Variants in A4GALT observed in about 807,000 individuals in gnomAD.
A4GALT encodes the protein alpha 1,4-galactosyltransferase (P1PK blood group), also known as lactosylceramide 4-alpha-galactosyltransferase.
For synonymous variants in A4GALT, 257 were observed against 220.7 expected (o/e 1.16, Z -1.46); for missense variants, 512 against 486.0 (o/e 1.05, Z -0.50).
At chr22:42,710,962 T>C (rs1475715136) in intron 1 of A4GALT, among the ~76,000 whole-genome samples, 3 of 150,958 alleles carry the variant, frequency 2.0e-5, no homozygotes, top group African/African-American at 4.9e-5. Context: ...GGGATGGAGG[T>C]TGCAGTGAGC....
intron 1 of A4GALT, chr22:42,718,631 A>G (rs1922413442): frequency 6.6e-6 from 1 of 152,202 alleles, no homozygotes; most frequent in Non-Finnish European, 1.5e-5. Context: ...GTCTTCAAGT[A>G]TGCAAACAGG....
chr22:42,706,127 G>A lies in A4GALT; in HGVS notation c.-187-10496C>T, dbSNP rs1314647243. On this transcript the variant is annotated intron_variant, in intron 1 of 2. Coordinates refer to ENST00000642412, the MANE Select transcript of A4GALT (RefSeq NM_017436.7). ...TCTCAGCACTTTGGGAGGCCAAGGC[G>A]GGCGGATCACGAGGTCAGGAGATCG... 6.7e-4 allele frequency among the ~76,000 whole-genome samples: 68 copies of A among 101,540 alleles called. 26 individuals are homozygous for A. The highest frequency in any genetic ancestry group is 2.6e-4 in the Non-Finnish European group (11 of 42,568). 66.6% of individuals were successfully genotyped at this position (101,540 alleles called of 152,430 possible). A position where few individuals can be genotyped will look rare whatever the true frequency, so the allele number is the denominator to read the frequency against.
At chr22:42,710,097 C>G (rs548094409) in intron 1 of A4GALT, among the ~76,000 whole-genome samples, 1 of 152,270 alleles carries the variant, frequency 6.6e-6, no homozygotes, top group South Asian at 2.1e-4. Flanking sequence ...GGCACTAATA[C>G]TAAGCTCAGG....
In A4GALT at chr22:42,693,103, G is replaced by A. The variant is rs199502567; in HGVS notation, c.849C>T (p.Ala283=). 11 of 1,612,230 alleles carry A rather than the reference G, an allele frequency of 6.8e-6. No homozygotes were observed. Among genetic ancestry groups the A allele is most frequent in the Admixed American group, 1.7e-5 (1 of 59,746 alleles). Residue 283 remains alanine, a synonymous_variant, in exon 3 of 3, where the codon GCC becomes GCT. Coordinates refer to ENST00000642412, the MANE Select transcript of A4GALT (RefSeq NM_017436.7). ...CRGVTTLPPE[A]FYPIPWQDWK... The stretch of plus-strand genomic sequence containing the variant: ...AGTCCTGCCAGGGGATGGGGTAGAA[G>A]GCCTCAGGGGGCAGGGTGGTGACGC...
intron 1 of A4GALT, among the ~76,000 whole-genome samples, chr22:42,701,375 C>A (rs1444615844): frequency 6.6e-6 from 1 of 152,130 alleles, no homozygotes; most frequent in Non-Finnish European, 1.5e-5. Context: ...AGACAGGAGC[C>A]CGAGGTGGAC....
At chr22:42,712,987 T>C (rs939956654) in intron 1 of A4GALT, among the ~76,000 whole-genome samples, 5 of 152,190 alleles carry the variant, frequency 3.3e-5, no homozygotes, top group African/African-American at 9.7e-5. Context: ...CGTGTTCTTG[T>C]CATTAACCAC....
In A4GALT at chr22:42,692,382, T is replaced by TC; in HGVS notation, c.*507dup. On this transcript the variant is annotated 3_prime_UTR_variant, in exon 3 of 3. Coordinates refer to ENST00000642412, the MANE Select transcript of A4GALT (RefSeq NM_017436.7). The surrounding 1 kb of genome is among the most constrained non-coding windows in gnomAD (Gnocchi z 4.6). Reference sequence around the variant, plus strand: ...CTGCCCCACTCAGTCCCTGTTGACCTCCCCCACCCCCCGCGAAAGAGGAAC... The same window carrying TC: ...CTGCCCCACTCAGTCCCTGTTGACCTCCCCCCACCCCCCGCGAAAGAGGAAC... 1 of 298,664 alleles carries TC rather than the reference T, an allele frequency of 3.3e-6. No individual in the cohort carries two copies. 18.5% of individuals were successfully genotyped at this position (298,664 alleles called of 1,614,324 possible). A position where few individuals can be genotyped will look rare whatever the true frequency, so the allele number is the denominator to read the frequency against.
At chr22:42,719,407 G>A (rs1312913482) in intron 1 of A4GALT, among the ~76,000 whole-genome samples, 1 of 152,150 alleles carries the variant, frequency 6.6e-6, no homozygotes, top group Admixed American at 6.6e-5. Flanking sequence ...AGACTACAGT[G>A]AGCTGCCACA....
intron 1 of A4GALT, among the ~76,000 whole-genome samples, chr22:42,699,859 A>C (rs957893100): frequency 3.9e-5 from 6 of 152,226 alleles, no homozygotes; most frequent in Non-Finnish European, 7.3e-5. Flanking sequence ...TGGCAGACTC[A>C]GGAAGCAGAT....
At position 42,693,649 on chromosome 22, in the gene A4GALT, G is replaced by A. The variant is rs199712528; in HGVS notation, c.303C>T (p.Ala101=). Residue 101 remains alanine, a synonymous_variant, in exon 3 of 3, where the codon GCC becomes GCT. Transcript: ENST00000642412. ...CGTGGGATTCGGGGTGAGTTCTGGCGGCCGACTCCACCGAGCACATGAACA... is the reference window on the plus strand; with the variant it reads ...CGTGGGATTCGGGGTGAGTTCTGGCAGCCGACTCCACCGAGCACATGAACA... ...NFLFMCSVES[A]ARTHPESHVL... 1.6e-5 allele frequency: 26 copies of A among 1,613,160 alleles called. No homozygotes were observed. The highest frequency in any genetic ancestry group is 7.7e-5 in the South Asian group (7 of 91,032).
At position 42,693,234 on chromosome 22, in the gene A4GALT, G is replaced by T. The variant is rs761776405; in HGVS notation, c.718C>A (p.His240Asn). 41 of 1,610,212 alleles carry T rather than the reference G, an allele frequency of 2.5e-5. No individual in the cohort carries two copies. The South Asian group carries it at 4.3e-4, about 17-fold the overall frequency. The change falls in exon 3 of 3, where the codon CAC becomes AAC. Residue 240 changes from histidine (H) to asparagine (N), a missense_variant. His to Asn is a moderately conservative substitution (Grantham distance 68). Coordinates refer to ENST00000642412, the MANE Select transcript of A4GALT (RefSeq NM_017436.7). ...MALCMRDFVDHYNGWIWGHQG... is the reference protein window; with the variant it reads ...MALCMRDFVDNYNGWIWGHQG... ...TGACCCCAGATCCAGCCGTTGTAGTGGTCCACGAAGTCCCGCATGCACAGC... is the reference window on the plus strand; with the variant it reads ...TGACCCCAGATCCAGCCGTTGTAGTTGTCCACGAAGTCCCGCATGCACAGC...
chr22:42,709,046 T>TAA (rs1602015842), intron 1 of A4GALT, among the ~76,000 whole-genome samples: 1 of 90,238 alleles, frequency 1.1e-5, no homozygotes, highest in East Asian at 6.4e-4. Context: ...AAGGAAAATT[T>TAA]AAATATATAT....
At chr22:42,710,698 AAAT>A (rs1166705212) in intron 1 of A4GALT, among the ~76,000 whole-genome samples, 5 of 15,830 alleles carry the variant, frequency 3.2e-4, no homozygotes, top group Non-Finnish European at 7.4e-4. Flanking sequence ...CTCCAGCTCG[AAAT>A]AAATAAATAA....
chr22:42,704,696 A>G (rs112907562), intron 1 of A4GALT, among the ~76,000 whole-genome samples: 1 of 152,084 alleles, frequency 6.6e-6, no homozygotes, highest in East Asian at 1.9e-4. Context: ...GGTGGACTTC[A>G]TTCCAGGAGG....
chr22:42,715,067 T>G (rs1922050517), intron 1 of A4GALT, among the ~76,000 whole-genome samples: 3 of 130,886 alleles, frequency 2.3e-5, no homozygotes, highest in African/African-American at 8.5e-5. Flanking sequence ...GGACAGGAGG[T>G]CAGAAAGATA....
chr22:42,692,809 G>A lies in A4GALT; in HGVS notation c.*81C>T, dbSNP rs745847019. 2.3e-5 allele frequency: 36 copies of A among 1,546,438 alleles called. 2 individuals carry two copies. Among genetic ancestry groups the A allele is most frequent in the Admixed American group, 1.2e-4 (7 of 58,472 alleles). ...GTGGCAGCTCGGGCCTCCCTCTCCC[G>A]GGCCCTCAATCTTGCCTCCCCGGGA... On this transcript the variant is annotated 3_prime_UTR_variant, in exon 3 of 3. Coordinates refer to ENST00000642412, the MANE Select transcript of A4GALT (RefSeq NM_017436.7). This position sits in a 1 kb window ranked among gnomAD's most constrained non-coding sequence, Gnocchi z 4.6.
In A4GALT at chr22:42,693,007, G is replaced by A. The variant is rs1487412478; in HGVS notation, c.945C>T (p.His315=). 6.8e-6 allele frequency: 11 copies of A among 1,613,554 alleles called. No homozygotes were observed. Among genetic ancestry groups the A allele is most frequent in the African/African-American group, 1.3e-5 (1 of 74,928 alleles). ...PRLLSATYAV[H]VWNKKSQGTR... The stretch of plus-strand genomic sequence containing the variant: ...TGCCCTGGCTCTTCTTGTTCCACAC[G>A]TGGACAGCATAGGTGGCACTGAGCA... Residue 315 remains histidine (H), a synonymous_variant, in exon 3 of 3, where the codon CAC becomes CAT. Coordinates refer to ENST00000642412, the MANE Select transcript of A4GALT (RefSeq NM_017436.7).
At chr22:42,712,656 C>T (rs1378739226) in intron 1 of A4GALT, among the ~76,000 whole-genome samples, 4 of 151,930 alleles carry the variant, frequency 2.6e-5, no homozygotes, top group Non-Finnish European at 5.9e-5. Context: ...CACCTGTAAT[C>T]CCAGCACTTT....
At chr22:42,698,466 C>G (rs972497567) in intron 1 of A4GALT, among the ~76,000 whole-genome samples, 1 of 152,164 alleles carries the variant, frequency 6.6e-6, no homozygotes, top group Non-Finnish European at 1.5e-5. Flanking sequence ...ACAGTAAGGG[C>G]GCTACCCCTC....
Sources: gnomAD v4.1 joint callset for allele counts (sites outside exome capture counted in the v4.1 genomes callset) on GRCh38, gnomAD v4.1.1 for gene constraint, Gnocchi (gnomAD v3.1) non-coding constraint, MANE v1.5 for transcripts, NCBI Gene and HGNC (gene_info 2026-07-23, HGNC 2026-07-21) for gene names.